TBL1X: variants seen among roughly 807,000 people sequenced by gnomAD.
The protein encoded by TBL1X is F-box-like/WD repeat-containing protein TBL1X.
TBL1X carries 10 observed loss-of-function variants against 50.7 expected under a neutral mutation model. The observed-to-expected ratio is 0.20, with a 90% confidence interval of 0.12 to 0.33. The LOEUF (loss-of-function observed/expected upper bound fraction) is 0.33, where lower values mean the gene tolerates loss of function less well. TBL1X is among the 10% of genes least tolerant of loss of function. The pLI is 1.00. For synonymous variants in TBL1X, 190 were observed against 214.7 expected (o/e 0.88, Z 1.01); for missense variants, 340 against 504.4 (o/e 0.67, Z 3.12).
At chrX:9,564,173 A>G (rs372826352) in intron 2 of TBL1X, among the ~76,000 whole-genome samples, 44 of 111,736 alleles carry the variant, frequency 3.9e-4, no homozygotes, top group African/African-American at 1.3e-3. Flanking sequence ...TAATCCCAGC[A>G]CTTTGGGAGT....
intron 3 of TBL1X, among the ~76,000 whole-genome samples, chrX:9,648,087 A>G (rs780427748): frequency 9.0e-6 from 1 of 110,941 alleles, no homozygotes; most frequent in Non-Finnish European, 1.9e-5. Context: ...AGCTGCCCCT[A>G]GAAGTCAGGG....
chrX:9,616,863 T>G (rs1283361276), intron 2 of TBL1X, among the ~76,000 whole-genome samples: 3 of 111,368 alleles, frequency 2.7e-5, no homozygotes, highest in Non-Finnish European at 5.6e-5. Context: ...TAAATGGAGG[T>G]TTCTACCCCA....
intron 6 of TBL1X, among the ~76,000 whole-genome samples, chrX:9,686,299 A>G (rs746738485): frequency 8.9e-6 from 1 of 111,777 alleles, no homozygotes; most frequent in East Asian, 2.8e-4. Flanking sequence ...TCTACCTCTC[A>G]TCTGTTGAGA....
chrX:9,633,828 C>A (rs1472820251), intron 2 of TBL1X, among the ~76,000 whole-genome samples: 1 of 111,446 alleles, frequency 9.0e-6, no homozygotes, highest in African/African-American at 3.3e-5. Context: ...ATAGAGAAAC[C>A]GGGGAGAGTC....
chrX:9,687,891 C>G, intron 6 of TBL1X, 126 bp from the exon 7 acceptor site: 2 of 1,087,714 alleles, frequency 1.8e-6, no homozygotes, highest in Non-Finnish European at 2.4e-6. Flanking sequence ...CCCGTGGCCC[C>G]CTGGTTGCTG....
chrX:9,515,127 A>G (rs2082075788), intron 2 of TBL1X, among the ~76,000 whole-genome samples: 1 of 111,878 alleles, frequency 8.9e-6, no homozygotes, highest in Admixed American at 9.5e-5. Context: ...GAGGGGGGAA[A>G]AATAACACCC....
At chrX:9,653,738 G>A in intron 4 of TBL1X, 49 bp downstream of exon 4, 2 of 1,083,990 alleles carry the variant, frequency 1.8e-6, no homozygotes, top group Non-Finnish European at 2.5e-6. Flanking sequence ...CTCTTTGGGG[G>A]TGTTGACATG....
chrX:9,631,662 G>A (rs1034233758), intron 2 of TBL1X, among the ~76,000 whole-genome samples: 1 of 112,438 alleles, frequency 8.9e-6, no homozygotes, highest in African/African-American at 3.2e-5. Context: ...TACATTTGCC[G>A]TATGTTTTAC....
intron 1 of TBL1X, among the ~76,000 whole-genome samples, chrX:9,485,531 G>A (rs1165542636): frequency 8.9e-6 from 1 of 111,767 alleles, no homozygotes; most frequent in Non-Finnish European, 1.9e-5. Context: ...TCCCCCAAAT[G>A]GGAGTCTGCC....
Position 9,665,489 on chromosome X carries a change from C to CTATATATATATATA in TBL1X, c.211+11204_211+11217dup, listed in dbSNP as rs56756151. Among the ~76,000 whole-genome samples, 78 of 19,796 alleles carry CTATATATATATATA rather than the reference C, an allele frequency of 3.9e-3. 5 individuals carry two copies. Among genetic ancestry groups the CTATATATATATATA allele is most frequent in the African/African-American group, 4.3e-3 (21 of 4,938 alleles). 17.2% of individuals were successfully genotyped at this position (19,796 alleles called of 115,157 possible). A position where few individuals can be genotyped will look rare whatever the true frequency, so the allele number is the denominator to read the frequency against. ...ACTTAATTAAAAACTGATATTCAAGCTATATATATATATATATATATATAT... is the reference window on the plus strand; with the variant it reads ...ACTTAATTAAAAACTGATATTCAAGCTATATATATATATATATATATATATATATATATATATAT... On this transcript the variant is annotated intron_variant, in intron 5 of 17. Coordinates refer to ENST00000645353, the MANE Select transcript of TBL1X (RefSeq NM_005647.4).
intron 5 of TBL1X, among the ~76,000 whole-genome samples, chrX:9,659,941 T>C (rs1372473287): frequency 8.9e-6 from 1 of 112,634 alleles, no homozygotes; most frequent in African/African-American, 3.2e-5. Flanking sequence ...CCGACATGAA[T>C]GTAGCCCAGG....
Position 9,693,403 on chromosome X carries a change from G to T in TBL1X, c.1037G>T (p.Ser346Ile). The T allele has an allele frequency of 8.3e-7, 1 of 1,207,963 alleles. No homozygotes were observed. Among genetic ancestry groups the T allele is most frequent in the Non-Finnish European group, 1.1e-6 (1 of 892,803 alleles). Residue 346 changes from serine to isoleucine, a missense_variant, in exon 11 of 18, where the codon AGT (serine) becomes ATT (isoleucine). Coordinates refer to ENST00000645353, the MANE Select transcript of TBL1X (RefSeq NM_005647.4). ...KWNRKGNYIL[S>I]AGVDKTTIIW... The stretch of plus-strand genomic sequence containing the variant: ...AACCGAAAGGGGAATTACATTTTGA[G>T]TGCTGGTGTAGACAAAGTGAGTATT...
rs1182735002 is a variant in TBL1X at position 9,503,745 on chromosome X, A to T, written c.-131+1896A>T. 2.7e-5 allele frequency among the ~76,000 whole-genome samples: 3 copies of T among 112,329 alleles called. No homozygotes were observed. In the East Asian group the frequency reaches 8.5e-4, roughly 32 times the overall value. On this transcript the variant is annotated intron_variant, in intron 2 of 17. Transcript: ENST00000645353. Reference sequence around the variant, plus strand: ...GTGGGGCGGGGCGCTTCCCTGCTGGATCTCCAGTAACTCCAGCCAGAGGCT... The same window carrying T: ...GTGGGGCGGGGCGCTTCCCTGCTGGTTCTCCAGTAACTCCAGCCAGAGGCT...
At chrX:9,561,736 A>AT (rs2082325962) in intron 2 of TBL1X, among the ~76,000 whole-genome samples, 1 of 111,920 alleles carries the variant, frequency 8.9e-6, no homozygotes. Context: ...TTAGCTGATT[A>AT]TTTTTTTCCC....
chrX:9,574,823 G>A (rs1419506480), intron 2 of TBL1X, among the ~76,000 whole-genome samples: 1 of 111,843 alleles, frequency 8.9e-6, no homozygotes, highest in Non-Finnish European at 1.9e-5. Flanking sequence ...CCAGCACCAT[G>A]GAGGGATAGC....
intron 2 of TBL1X, among the ~76,000 whole-genome samples, chrX:9,556,239 C>T (rs767260800): frequency 6.5e-4 from 72 of 110,223 alleles, no homozygotes; most frequent in African/African-American, 2.4e-3. Flanking sequence ...TGTTCAGTGC[C>T]GTCAGATGTT....
chrX:9,493,075 C>A (rs754872429), intron 1 of TBL1X, among the ~76,000 whole-genome samples: 1 of 111,440 alleles, frequency 9.0e-6, no homozygotes, highest in African/African-American at 3.3e-5. Flanking sequence ...TTTCCCTCCA[C>A]CTGCTTCTTA....
chrX:9,473,154 G>A (rs929515561), intron 1 of TBL1X, among the ~76,000 whole-genome samples: 2 of 111,670 alleles, frequency 1.8e-5, no homozygotes, highest in Admixed American at 1.9e-4. Context: ...ATTCCCAGGT[G>A]CTATAAAAGT....
chrX:9,590,117 G>T (rs761023019), intron 2 of TBL1X, among the ~76,000 whole-genome samples: 1 of 112,236 alleles, frequency 8.9e-6, no homozygotes, highest in Non-Finnish European at 1.9e-5. Context: ...AGGTCAAAGG[G>T]GATGTGCTGA....
Sources: allele counts gnomAD v4.1 joint callset (sites outside exome capture counted in the v4.1 genomes callset), GRCh38; gene constraint gnomAD v4.1.1; transcripts MANE v1.5; gene names NCBI Gene and HGNC (gene_info 2026-07-23, HGNC 2026-07-21).